Variants in CYSTM1 observed in about 807,000 individuals in gnomAD.
CYSTM1 encodes cysteine-rich transmembrane module-containing protein 1.
Under a neutral mutation model 13.1 loss-of-function variants are expected in CYSTM1, and 4 were observed. The observed-to-expected ratio is 0.31, with a 90% CI of 0.15 to 0.70. CYSTM1 has a LOEUF of 0.70. Among genes scored for constraint, CYSTM1 ranks in the 30% least tolerant of loss-of-function variants. The pLI, the probability that CYSTM1 is intolerant of heterozygous loss-of-function variation, is 0.72. For synonymous variants in CYSTM1, 36 were observed against 42.7 expected, an observed-to-expected ratio of 0.84 and a Z score of 0.62; for missense variants, 96 against 121.6, an observed-to-expected ratio of 0.79 and a Z score of 0.99.
chr5:140,199,034 C>G (rs141830575), intron 2 of CYSTM1, among the ~76,000 whole-genome samples: 1 of 152,120 alleles, frequency 6.6e-6, no homozygotes, highest in South Asian at 2.1e-4. Context: ...TCAGCTCCCA[C>G]TTATGAGTAA....
At chr5:140,198,881 G>A (rs1764185120) in intron 2 of CYSTM1, among the ~76,000 whole-genome samples, 1 of 152,080 alleles carries the variant, frequency 6.6e-6, no homozygotes, top group Non-Finnish European at 1.5e-5. Flanking sequence ...TGTTACATAG[G>A]TATGCATGTG....
At chr5:140,179,207 C>G (rs779007172) in intron 1 of CYSTM1, among the ~76,000 whole-genome samples, 2 of 151,670 alleles carry the variant, frequency 1.3e-5, no homozygotes, top group Non-Finnish European at 2.9e-5. Context: ...CTGCAATGAA[C>G]CATGATCACG....
chr5:140,205,953 C>T (rs1469382573), intron 2 of CYSTM1, among the ~76,000 whole-genome samples: 4 of 152,124 alleles, frequency 2.6e-5, no homozygotes, highest in Non-Finnish European at 5.9e-5. Flanking sequence ...TTCTCAAGAC[C>T]GCCTAATAGC....
At position 140,226,588 on chromosome 5, in the gene CYSTM1, A is replaced by T. The variant is rs796573449; in HGVS notation, c.188-16717A>T. Among the ~76,000 whole-genome samples, 539 of 70,014 alleles carry T rather than the reference A, an allele frequency of 7.7e-3. 3 individuals are homozygous for T. The highest frequency in any genetic ancestry group is 0.014 in the Non-Finnish European group (442 of 32,580). 45.9% of individuals were successfully genotyped at this position (70,014 alleles called of 152,430 possible). On this transcript the variant is annotated intron_variant, in intron 2 of 2. Transcript: ENST00000261811. The stretch of plus-strand genomic sequence containing the variant: ...AAATATATATTATATACTAAATATT[A>T]TATATATATATATATATATATATAA...
In CYSTM1 at chr5:140,243,560, G is replaced by T; in HGVS notation, c.*149G>T. The T allele has an allele frequency of 1.7e-6, 1 of 575,148 alleles. No homozygotes were observed. Among genetic ancestry groups the T allele is most frequent in the Non-Finnish European group, 3.0e-6 (1 of 330,882 alleles). The allele number at this position is 575,148 out of a possible 1,614,324, so 35.6% of individuals were successfully genotyped here. A position where few individuals can be genotyped will look rare whatever the true frequency, so the allele number is the denominator to read the frequency against. On this transcript the variant is annotated 3_prime_UTR_variant, in exon 3 of 3. Coordinates refer to ENST00000261811, the MANE Select transcript of CYSTM1 (RefSeq NM_032412.4). Reference sequence around the variant, plus strand: ...GCACTATGGGATTCTAGATTAATGGGGGTTGCTACTGTTTAATTCAGTGAC... The same window carrying T: ...GCACTATGGGATTCTAGATTAATGGTGGTTGCTACTGTTTAATTCAGTGAC...
In CYSTM1 at chr5:140,175,814, C is replaced by T. The variant is rs557833554; in HGVS notation, c.-21+529C>T. On this transcript the variant is annotated intron_variant, in intron 1 of 2. Coordinates refer to ENST00000261811, the MANE Select transcript of CYSTM1 (RefSeq NM_032412.4). This position sits in a 1 kb window ranked among gnomAD's most constrained non-coding sequence, Gnocchi z 4.9. ...GGAACGCAAAGCCGGCGCTCGGAGG[C>T]CGGGGTGTTCAGAGAAGGCGTTGCG... is the stretch of plus-strand genomic sequence containing the variant. 7.3e-4 allele frequency among the ~76,000 whole-genome samples: 111 copies of T among 152,282 alleles called. No individual in the cohort carries two copies. Among genetic ancestry groups the T allele is most frequent in the African/African-American group, 2.6e-3 (107 of 41,566 alleles).
intron 2 of CYSTM1, 37 bp from the exon 3 acceptor site, chr5:140,243,268 C>T (rs748304689): frequency 1.3e-5 from 20 of 1,581,708 alleles, no homozygotes; most frequent in South Asian, 7.8e-5. Flanking sequence ...GGGTTTGCAC[C>T]AGTCCATTCT....
chr5:140,228,630 A>C (rs1764587346), intron 2 of CYSTM1: 4 of 397,030 alleles, frequency 1.0e-5, no homozygotes, highest in African/African-American at 4.1e-5. Flanking sequence ...AGACAGAACC[A>C]GTCTGCAGAG....
At chr5:140,236,314 G>A (rs13170937) in intron 2 of CYSTM1, among the ~76,000 whole-genome samples, 3 of 152,010 alleles carry the variant, frequency 2.0e-5, no homozygotes, top group Non-Finnish European at 2.9e-5. Context: ...GGATGTGCGC[G>A]TCCCTGCAGT....
intron 2 of CYSTM1, chr5:140,203,153 T>C (rs965807241): frequency 6.6e-6 from 1 of 152,138 alleles, no homozygotes; most frequent in South Asian, 2.1e-4. Context: ...CAGGCCTTCC[T>C]GCACATGTAC....
At chr5:140,208,672 C>T (rs1402247244) in intron 2 of CYSTM1, among the ~76,000 whole-genome samples, 1 of 152,116 alleles carries the variant, frequency 6.6e-6, no homozygotes, top group Non-Finnish European at 1.5e-5. Flanking sequence ...ATCAAAACAT[C>T]TCATGTACCC....
At chr5:140,190,971 A>C (rs1331552332) in intron 1 of CYSTM1, among the ~76,000 whole-genome samples, 1 of 152,172 alleles carries the variant, frequency 6.6e-6, no homozygotes, top group Non-Finnish European at 1.5e-5. Context: ...TCATACCTTA[A>C]ATTTAAAGCT....
At chr5:140,228,370 G>GT (rs1379041379) in intron 2 of CYSTM1, among the ~76,000 whole-genome samples, 1 of 152,184 alleles carries the variant, frequency 6.6e-6, no homozygotes, top group Non-Finnish European at 1.5e-5. Flanking sequence ...ATTTCCGCCG[G>GT]TGCCTGCCAT....
chr5:140,182,138 C>T (rs925360729), intron 1 of CYSTM1, among the ~76,000 whole-genome samples: 3 of 152,208 alleles, frequency 2.0e-5, no homozygotes, highest in Non-Finnish European at 2.9e-5. Context: ...ATAACTACTA[C>T]ATCACCTGTC....
intron 2 of CYSTM1, among the ~76,000 whole-genome samples, 177 bp downstream of exon 2, chr5:140,194,829 C>G (rs1356527411): frequency 1.3e-5 from 2 of 152,222 alleles, no homozygotes; most frequent in African/African-American, 2.4e-5. Flanking sequence ...CAAGTCAGCT[C>G]TGCCTGCTAC....
Position 140,210,536 on chromosome 5 carries a change from T to C in CYSTM1, c.187+15884T>C, listed in dbSNP as rs1322904697. Among the ~76,000 whole-genome samples, 4 of 151,152 alleles carry C rather than the reference T, an allele frequency of 2.6e-5. No individual in the cohort carries two copies. The East Asian group carries it at 7.8e-4, about 29-fold the overall frequency. Reference sequence around the variant, plus strand: ...TTTTTCTTCTTTTTTTTTTTTGAAATAGGGTCTTGCTCTGTTGCCCAGGTT... The same window carrying C: ...TTTTTCTTCTTTTTTTTTTTTGAAACAGGGTCTTGCTCTGTTGCCCAGGTT... On this transcript the variant is annotated intron_variant, in intron 2 of 2. Transcript: ENST00000261811.
intron 2 of CYSTM1, among the ~76,000 whole-genome samples, chr5:140,206,025 C>A (rs139816533): frequency 2.0e-5 from 3 of 152,178 alleles, no homozygotes; most frequent in Non-Finnish European, 2.9e-5. Flanking sequence ...CCTTTGTGAG[C>A]GGGCTGCTGC....
At chr5:140,217,619 G>A (rs1236912978) in intron 2 of CYSTM1, among the ~76,000 whole-genome samples, 3 of 152,216 alleles carry the variant, frequency 2.0e-5, no homozygotes, top group Non-Finnish European at 2.9e-5. Flanking sequence ...TTCAGAGTAC[G>A]CCAAGATCTC....
chr5:140,201,628 C>T (rs940194803), intron 2 of CYSTM1: 1 of 152,256 alleles, frequency 6.6e-6, no homozygotes, highest in Non-Finnish European at 1.5e-5. Flanking sequence ...TCTTCTTGCT[C>T]CAGATTCAAT....
Sources: allele counts gnomAD v4.1 joint callset (sites outside exome capture counted in the v4.1 genomes callset), GRCh38; gene constraint gnomAD v4.1.1; non-coding constraint Gnocchi (gnomAD v3.1); transcripts MANE v1.5; gene names NCBI Gene and HGNC (gene_info 2026-07-23, HGNC 2026-07-21).